CCR3: variants seen among roughly 807,000 people sequenced by gnomAD.
CCR3 encodes C-C motif chemokine receptor 3, also known as C-C chemokine receptor type 3.
For missense variants in CCR3, 419 were observed against 437.5 expected, an observed-to-expected ratio of 0.96 and a Z score of 0.38; for synonymous variants, 203 against 179.2, an observed-to-expected ratio of 1.13 and a Z score of -1.06.
intron 1 of CCR3, among the ~76,000 whole-genome samples, chr3:46,257,410 A>G (rs9838191): frequency 0.07 from 10,057 of 143,278 alleles, 438 homozygotes; most frequent in South Asian, 0.2. Flanking sequence ...AACCTCATAC[A>G]CTTAGCTTGT....
rs201001063 is a variant in CCR3, at chr3:46,266,175, C to G, written c.1017C>G (p.Thr339=). Residue 339 remains threonine (T), a synonymous_variant, in exon 2 of 2, where the codon ACC becomes ACG. Coordinates refer to ENST00000395940, the MANE Select transcript of CCR3 (RefSeq NM_178329.3). ...TTCCTAGTGAGAAGCTGGAAAGAACCAGCTCTGTCTCTCCATCCACAGCAG... is the reference window on the plus strand; with the variant it reads ...TTCCTAGTGAGAAGCTGGAAAGAACGAGCTCTGTCTCTCCATCCACAGCAG... ...PFLPSEKLER[T]SSVSPSTAEP... is the part of the protein sequence containing the mutation. 46 of 1,613,902 alleles carry G rather than the reference C, an allele frequency of 2.9e-5. No homozygotes were observed. In the South Asian group the frequency reaches 4.6e-4, roughly 16 times the overall value.
chr3:46,211,198 T>TTTC (rs1491498076), intron 2 of CCR3, among the ~76,000 whole-genome samples: 1 of 90,418 alleles, frequency 1.1e-5, no homozygotes, highest in African/African-American at 7.3e-5. Context: ...GAGAATTTAC[T>TTTC]TTTTTTTTTT....
rs1223543258 is a variant in CCR3 at position 46,211,263 on chromosome 3, A to G, written c.-68+356A>G. ...GCCCAGGCTGGGGTGCAGTAGCATG[A>G]TCATGGCTCACTGCAGCCTCAACCT... is the stretch of plus-strand genomic sequence containing the variant. On this transcript the variant is annotated intron_variant, in intron 2 of 3. Coordinates refer to the CCR3 transcript ENST00000357422. Among the ~76,000 whole-genome samples the G allele has an allele frequency of 2.7e-5, 4 of 147,190 alleles. No individual in the cohort carries two copies. In the East Asian group the frequency reaches 5.9e-4, roughly 22 times the overall value.
intron 2 of CCR3, among the ~76,000 whole-genome samples, chr3:46,211,832 C>T (rs1699718905): frequency 6.6e-6 from 1 of 152,124 alleles, no homozygotes; most frequent in South Asian, 2.1e-4. Flanking sequence ...TTCTTCTCCA[C>T]CAGCAAGCAC....
At chr3:46,227,003 C>T (rs1365256748) in intron 2 of CCR3, among the ~76,000 whole-genome samples, 1 of 151,938 alleles carries the variant, frequency 6.6e-6, no homozygotes, top group Non-Finnish European at 1.5e-5. Context: ...TCCTGAGTAG[C>T]TGGGACTATG....
At chr3:46,234,416 C>T (rs1270951546) in intron 2 of CCR3, among the ~76,000 whole-genome samples, 1 of 152,150 alleles carries the variant, frequency 6.6e-6, no homozygotes. Context: ...TCCTTGACAT[C>T]TGTGAAACAT....
chr3:46,241,995 T>C (rs1700091500), upstream of CCR3, among the ~76,000 whole-genome samples: 1 of 152,076 alleles, frequency 6.6e-6, no homozygotes, highest in African/African-American at 2.4e-5. Flanking sequence ...TAGCCAGGCA[T>C]GGTGGCATGT....
chr3:46,266,079 G>C lies in CCR3; in HGVS notation c.921G>C (p.Arg307Ser), dbSNP rs987979300. 1 of 1,614,006 alleles carries C rather than the reference G, an allele frequency of 6.2e-7. No homozygotes were observed. Among genetic ancestry groups the C allele is most frequent in the African/African-American group, 1.3e-5 (1 of 74,996 alleles). The stretch of plus-strand genomic sequence containing the variant: ...TGATCTACGCCTTTGTTGGAGAGAG[G>C]TTCCGGAAGTACCTGCGCCACTTCT... The part of the protein sequence containing the change: ...NPVIYAFVGE[R>S]FRKYLRHFFH... Residue 307 changes from arginine (R) to serine (S), a missense_variant, in exon 2 of 2, where the codon AGG (arginine) becomes AGC (serine). Transcript: ENST00000395940.
intron 2 of CCR3, among the ~76,000 whole-genome samples, chr3:46,224,420 T>C (rs961077416): frequency 1.3e-4 from 19 of 144,520 alleles, no homozygotes; most frequent in Admixed American, 1.2e-3. Context: ...AACACCAACA[T>C]GGTGAAACCC....
At chr3:46,258,400 G>A (rs1700466340) in intron 1 of CCR3, among the ~76,000 whole-genome samples, 1 of 152,176 alleles carries the variant, frequency 6.6e-6, no homozygotes, top group African/African-American at 2.4e-5. Flanking sequence ...TTCAACATTA[G>A]GAATTTTAGT....
chr3:46,246,872 C>G (rs2125928959), intron 1 of CCR3, among the ~76,000 whole-genome samples: 1 of 151,898 alleles, frequency 6.6e-6, no homozygotes. Context: ...GGCGTGGGAA[C>G]CTAGAGTGGG....
intron 1 of CCR3, among the ~76,000 whole-genome samples, chr3:46,258,632 T>C (rs1401767206): frequency 1.3e-5 from 2 of 152,200 alleles, no homozygotes; most frequent in Non-Finnish European, 2.9e-5. Context: ...TTCCTTTCTG[T>C]AGACATTTAT....
At chr3:46,262,171 A>C (rs1440594361) in intron 1 of CCR3, among the ~76,000 whole-genome samples, 1 of 152,278 alleles carries the variant, frequency 6.6e-6, no homozygotes, top group African/African-American at 2.4e-5. Flanking sequence ...AAAGAGGATG[A>C]GTAAAACCTA....
chr3:46,234,073 C>A (rs1699997019), intron 2 of CCR3, among the ~76,000 whole-genome samples: 1 of 152,248 alleles, frequency 6.6e-6, no homozygotes, highest in South Asian at 2.1e-4. Flanking sequence ...GTGCATGCAT[C>A]AGGCCGGCAC....
At chr3:46,234,145 G>A (rs1699997974) in intron 2 of CCR3, among the ~76,000 whole-genome samples, 1 of 152,198 alleles carries the variant, frequency 6.6e-6, no homozygotes, top group African/African-American at 2.4e-5. Flanking sequence ...CATTTGAAAA[G>A]TATTTTTTTT....
upstream of CCR3, among the ~76,000 whole-genome samples, chr3:46,238,887 G>A (rs1475309168): frequency 6.6e-6 from 1 of 152,196 alleles, no homozygotes; most frequent in Non-Finnish European, 1.5e-5. Context: ...TCTAGAACAA[G>A]CAAAACTAAG....
chr3:46,223,228 T>A (rs541487875), intron 2 of CCR3, among the ~76,000 whole-genome samples: 1 of 152,308 alleles, frequency 6.6e-6, no homozygotes, highest in Non-Finnish European at 1.5e-5. Flanking sequence ...GGTGGACATC[T>A]GTAATCCCAG....
intron 1 of CCR3, among the ~76,000 whole-genome samples, chr3:46,253,087 T>C (rs1700348839): frequency 6.6e-6 from 1 of 152,004 alleles, no homozygotes; most frequent in South Asian, 2.1e-4. Flanking sequence ...GCTGGGGATT[T>C]TCAAGAGCTC....
At chr3:46,223,631 T>C (rs1465959427) in intron 2 of CCR3, among the ~76,000 whole-genome samples, 1 of 152,164 alleles carries the variant, frequency 6.6e-6, no homozygotes, top group African/African-American at 2.4e-5. Context: ...TGTGTGCATG[T>C]ATGTATGTGT....
Sources: gnomAD v4.1 joint callset for allele counts (sites outside exome capture counted in the v4.1 genomes callset) on GRCh38, gnomAD v4.1.1 for gene constraint, MANE v1.5 for transcripts, NCBI Gene and HGNC (gene_info 2026-07-23, HGNC 2026-07-21) for gene names.